GHR: variants seen among roughly 807,000 people sequenced by gnomAD.
GHR encodes the protein growth hormone receptor.
Under a neutral mutation model 67.1 loss-of-function variants are expected in GHR, and 35 were observed. The observed-to-expected ratio is 0.52, with a 90% CI of 0.40 to 0.69. GHR has a LOEUF of 0.69. GHR is among the 30% of genes least tolerant of loss of function. The probability of loss-of-function intolerance (pLI) is 0.00; values close to 1 mark genes in which losing one functional copy is unlikely to be tolerated. For synonymous variants in GHR, 272 were observed against 269.1 expected, an observed-to-expected ratio of 1.01 and a Z score of -0.10; for missense variants, 792 against 764.6, an observed-to-expected ratio of 1.04 and a Z score of -0.42.
In GHR at chr5:42,511,051, A is replaced by G. The variant is rs185169364; in HGVS notation, c.-11-54813A>G. 4.1e-4 allele frequency among the ~76,000 whole-genome samples: 62 copies of G among 152,292 alleles called. 1 individual carries two copies. The East Asian group carries it at 0.011, about 28-fold the overall frequency. On this transcript the variant is annotated intron_variant, in intron 1 of 9. Transcript: ENST00000230882. The stretch of plus-strand genomic sequence containing the variant: ...TCCCACTATTTACCAGTAGCATATG[A>G]GCTGCTTGCTGTTACAGAAACACAT...
intron 1 of GHR, among the ~76,000 whole-genome samples, chr5:42,483,841 G>T (rs1745763304): frequency 1.3e-5 from 2 of 152,178 alleles, no homozygotes; most frequent in Non-Finnish European, 1.5e-5. Flanking sequence ...ATTCTGTTAG[G>T]GTGAAGTCAG....
chr5:42,607,512 G>C (rs1447043141), intron 2 of GHR, among the ~76,000 whole-genome samples: 1 of 152,172 alleles, frequency 6.6e-6, no homozygotes, highest in Non-Finnish European at 1.5e-5. Flanking sequence ...TATTCTGAGA[G>C]AGCTTATAGT....
intron 1 of GHR, among the ~76,000 whole-genome samples, chr5:42,562,461 C>G (rs552138205): frequency 6.6e-6 from 1 of 152,092 alleles, no homozygotes; most frequent in South Asian, 2.1e-4. Context: ...GTGTTCCAGG[C>G]GGCAGTGAAC....
At chr5:42,528,404 C>T (rs944709325) in intron 1 of GHR, among the ~76,000 whole-genome samples, 12 of 152,044 alleles carry the variant, frequency 7.9e-5, no homozygotes, top group African/African-American at 1.4e-4. Context: ...TGGAGAAAGC[C>T]GCTGCAAGTG....
At chr5:42,635,084 T>C (rs1754112797) in intron 3 of GHR, among the ~76,000 whole-genome samples, 1 of 152,032 alleles carries the variant, frequency 6.6e-6, no homozygotes, top group Admixed American at 6.6e-5. Context: ...GAAGCTGACA[T>C]TAAATTATTG....
At chr5:42,439,035 A>G in intron 1 of GHR, among the ~76,000 whole-genome samples, 1 of 152,254 alleles carries the variant, frequency 6.6e-6, no homozygotes, top group Admixed American at 6.5e-5. Context: ...ATTTTAAAAC[A>G]TTGATACAGC....
intron 3 of GHR, among the ~76,000 whole-genome samples, chr5:42,669,941 T>G (rs1756188689): frequency 6.6e-6 from 1 of 152,114 alleles, no homozygotes; most frequent in Admixed American, 6.5e-5. Context: ...TTAAGAGATC[T>G]ATACTACCCA....
At chr5:42,459,681 T>A (rs1053688275) in intron 1 of GHR, among the ~76,000 whole-genome samples, 7 of 151,496 alleles carry the variant, frequency 4.6e-5, no homozygotes, top group Non-Finnish European at 1.0e-4. Context: ...GAAAAAAAAA[T>A]GATTAATGAG....
intron 1 of GHR, among the ~76,000 whole-genome samples, chr5:42,446,865 G>T (rs986319177): frequency 6.6e-6 from 1 of 152,124 alleles, no homozygotes; most frequent in African/African-American, 2.4e-5. Flanking sequence ...AGTGAACACC[G>T]CACTTCTTTG....
chr5:42,424,364 G>A lies in GHR; in HGVS notation c.-12+409G>A. 1 of 594,236 alleles carries A rather than the reference G, an allele frequency of 1.7e-6. No individual in the cohort carries two copies. Among genetic ancestry groups the A allele is most frequent in the Non-Finnish European group, 3.0e-6 (1 of 332,928 alleles). The allele number at this position is 594,236 out of a possible 1,614,324, so 36.8% of individuals were successfully genotyped here. On this transcript the variant is annotated intron_variant, in intron 1 of 9. Coordinates refer to ENST00000230882, the MANE Select transcript of GHR (RefSeq NM_000163.5). The surrounding 1 kb of genome is among the most constrained non-coding windows in gnomAD (Gnocchi z 4.1). ...AAAGTCATAAAAGTTTTGCTAGTGT[G>A]TTTCTGTTTGCCATCATCTGCCTGG... is the stretch of plus-strand genomic sequence containing the variant.
chr5:42,459,961 G>C (rs1196848363), intron 1 of GHR, among the ~76,000 whole-genome samples: 2 of 152,164 alleles, frequency 1.3e-5, no homozygotes, highest in Non-Finnish European at 2.9e-5. Flanking sequence ...CAGCTCCCCA[G>C]ATTCACAGGT....
rs180772500 is a variant in GHR at position 42,482,506 on chromosome 5, T to C, written c.-12+58551T>C. Among the ~76,000 whole-genome samples the C allele has an allele frequency of 1.9e-3, 282 of 152,322 alleles. 6 individuals are homozygous for C. The East Asian group carries it at 0.039, about 21-fold the overall frequency. ...GGGAGCCTACAGAGGCAGGCAGGCC[T>C]CCTTGAGCTGTGGTTGGCTCCACCC... On this transcript the variant is annotated intron_variant, in intron 1 of 9. Transcript: ENST00000230882.
intron 3 of GHR, among the ~76,000 whole-genome samples, chr5:42,682,110 T>G (rs1756913097): frequency 6.6e-6 from 1 of 152,162 alleles, no homozygotes; most frequent in African/African-American, 2.4e-5. Context: ...TGAGTTCACG[T>G]CCTTTGCAGG....
chr5:42,475,159 T>A (rs1481227781), intron 1 of GHR, among the ~76,000 whole-genome samples: 7 of 152,170 alleles, frequency 4.6e-5, no homozygotes, highest in Non-Finnish European at 1.0e-4. Flanking sequence ...ATTACAGGTG[T>A]GAGCCACCGC....
intron 6 of GHR, among the ~76,000 whole-genome samples, chr5:42,710,328 C>T (rs1049288878): frequency 1.2e-4 from 18 of 151,794 alleles, no homozygotes; most frequent in African/African-American, 3.6e-4. Flanking sequence ...CTGTTGAAAA[C>T]GCGAGTGTTT....
chr5:42,693,387 C>T (rs552488655), intron 4 of GHR, among the ~76,000 whole-genome samples: 52 of 152,092 alleles, frequency 3.4e-4, no homozygotes, highest in Non-Finnish European at 6.3e-4. Context: ...GATCCGCCTG[C>T]CTCAGCCTCC....
At chr5:42,682,992 G>GTTT (rs796935034) in intron 3 of GHR, among the ~76,000 whole-genome samples, 1 of 151,368 alleles carries the variant, frequency 6.6e-6, no homozygotes, top group African/African-American at 2.4e-5. Context: ...TTCCTCAAAG[G>GTTT]TTTTTTTTAT....
intron 1 of GHR, among the ~76,000 whole-genome samples, chr5:42,519,939 T>G (rs1055725380): frequency 5.3e-5 from 8 of 152,238 alleles, no homozygotes; most frequent in African/African-American, 1.9e-4. Flanking sequence ...AAGACATGCA[T>G]GCATGTATTC....
intron 1 of GHR, among the ~76,000 whole-genome samples, chr5:42,527,110 A>G (rs1273219138): frequency 1.3e-5 from 2 of 152,328 alleles, no homozygotes; most frequent in South Asian, 2.1e-4. Context: ...GACAGCTACC[A>G]TCTAATACTA....
Sources: gnomAD v4.1 joint callset for allele counts (sites outside exome capture counted in the v4.1 genomes callset) on GRCh38, gnomAD v4.1.1 for gene constraint, Gnocchi (gnomAD v3.1) non-coding constraint, MANE v1.5 for transcripts, NCBI Gene and HGNC (gene_info 2026-07-23, HGNC 2026-07-21) for gene names.